Variants in EFNA5 observed in about 807,000 individuals in gnomAD.
The protein encoded by EFNA5 is ephrin A5.
In EFNA5, 5 loss-of-function variants were observed where a neutral mutation model predicts 22.9. That is an observed-to-expected ratio of 0.22 (90% CI 0.11 to 0.46). The LOEUF (loss-of-function observed/expected upper bound fraction) is 0.46. Ranked by LOEUF, EFNA5 falls within the 20% of genes least tolerant of loss-of-function variation. EFNA5 has a pLI of 0.99. For missense variants in EFNA5, 237 were observed against 293.3 expected, an observed-to-expected ratio of 0.81 and a Z score of 1.40; for synonymous variants, 113 against 112.2, an observed-to-expected ratio of 1.01 and a Z score of -0.04.
chr5:107,490,380 G>A (rs745957171), intron 1 of EFNA5, among the ~76,000 whole-genome samples: 37 of 152,094 alleles, frequency 2.4e-4, no homozygotes, highest in Non-Finnish European at 2.9e-4. Context: ...ACAGGTGCAC[G>A]TTACCATGCC....
At chr5:107,576,614 C>T (rs1748932922) in intron 1 of EFNA5, among the ~76,000 whole-genome samples, 1 of 152,206 alleles carries the variant, frequency 6.6e-6, no homozygotes, top group African/African-American at 2.4e-5. Context: ...AGGCTGTATA[C>T]ATGACTTTAT....
chr5:107,431,197 A>T (rs1484418588), intron 1 of EFNA5, among the ~76,000 whole-genome samples: 1 of 152,208 alleles, frequency 6.6e-6, no homozygotes, highest in Admixed American at 6.5e-5. Flanking sequence ...GTACATTTCA[A>T]AGGGTGGACA....
chr5:107,552,964 G>A (rs1748330674), intron 1 of EFNA5, among the ~76,000 whole-genome samples: 1 of 152,164 alleles, frequency 6.6e-6, no homozygotes, highest in Admixed American at 6.5e-5. Flanking sequence ...AAGACAATAT[G>A]AGGGCACTTT....
At chr5:107,421,937 A>G (rs1450896143) in intron 2 of EFNA5, among the ~76,000 whole-genome samples, 2 of 152,010 alleles carry the variant, frequency 1.3e-5, no homozygotes, top group African/African-American at 4.8e-5. Flanking sequence ...GGTTACAGGC[A>G]TGAGCTACCA....
intron 1 of EFNA5, among the ~76,000 whole-genome samples, chr5:107,668,509 G>C (rs1490828): frequency 0.13 from 19,960 of 152,026 alleles, 1,577 homozygotes; most frequent in Non-Finnish European, 0.17. Flanking sequence ...TAGGGGTGTT[G>C]CTGGTTCTTT....
chr5:107,470,771 T>A lies in EFNA5; in HGVS notation c.126-43262A>T, dbSNP rs115319504. On this transcript the variant is annotated intron_variant, in intron 1 of 4. Coordinates refer to ENST00000333274, the MANE Select transcript of EFNA5 (RefSeq NM_001962.3). ...TTTGTGGTGGACATGTCCACAAGAATGATGAAATGAAATCAGGACAAGGCG... is the reference window on the plus strand; with the variant it reads ...TTTGTGGTGGACATGTCCACAAGAAAGATGAAATGAAATCAGGACAAGGCG... 3.8e-3 allele frequency among the ~76,000 whole-genome samples: 584 copies of A among 152,250 alleles called. 3 individuals are homozygous for A. The highest frequency in any genetic ancestry group is 0.013 in the African/African-American group (524 of 41,560).
intron 1 of EFNA5, among the ~76,000 whole-genome samples, chr5:107,655,487 G>A (rs1328814574): frequency 1.3e-5 from 2 of 152,090 alleles, no homozygotes; most frequent in South Asian, 2.1e-4. Flanking sequence ...GCTTATGTTA[G>A]ACCCAGTATT....
intron 1 of EFNA5, among the ~76,000 whole-genome samples, chr5:107,471,389 T>C (rs1469709410): frequency 4.6e-5 from 7 of 152,188 alleles, no homozygotes; most frequent in African/African-American, 1.7e-4. Context: ...CCAAGATCTC[T>C]TCCCTTTCTG....
At chr5:107,573,192 T>G (rs969616405) in intron 1 of EFNA5, among the ~76,000 whole-genome samples, 1 of 152,102 alleles carries the variant, frequency 6.6e-6, no homozygotes, top group Non-Finnish European at 1.5e-5. Context: ...ATCTCATGTC[T>G]GTTCCCAGCT....
Position 107,379,900 on chromosome 5 carries a change from T to C in EFNA5, c.*1355A>G, listed in dbSNP as rs1375200047. 2 of 152,222 alleles carry C rather than the reference T, an allele frequency of 1.3e-5. No homozygotes were observed. The highest frequency in any genetic ancestry group is 2.9e-5 in the Non-Finnish European group (2 of 68,046). 9.4% of individuals were successfully genotyped at this position (152,222 alleles called of 1,614,324 possible). A position where few individuals can be genotyped will look rare whatever the true frequency, so the allele number is the denominator to read the frequency against. On this transcript the variant is annotated 3_prime_UTR_variant, in exon 5 of 5. Coordinates refer to ENST00000333274, the MANE Select transcript of EFNA5 (RefSeq NM_001962.3). Reference sequence around the variant, plus strand: ...CTAAATAATGTATTTTCTATTCTAGTGGATTTTTAAAAAAATATTTTGTTA... The same window carrying C: ...CTAAATAATGTATTTTCTATTCTAGCGGATTTTTAAAAAAATATTTTGTTA...
chr5:107,633,819 G>C (rs1260586342), intron 1 of EFNA5, among the ~76,000 whole-genome samples: 1 of 152,036 alleles, frequency 6.6e-6, no homozygotes, highest in East Asian at 1.9e-4. Flanking sequence ...ATTCACACTT[G>C]AAAAAACTAG....
chr5:107,561,390 A>G (rs1748539631), intron 1 of EFNA5, among the ~76,000 whole-genome samples: 1 of 152,136 alleles, frequency 6.6e-6, no homozygotes, highest in Admixed American at 6.5e-5. Context: ...TTTTCTTGAG[A>G]TGGAGTCTTG....
intron 1 of EFNA5, among the ~76,000 whole-genome samples, chr5:107,663,264 GC>G (rs1200186728): frequency 2.0e-5 from 3 of 152,002 alleles, no homozygotes; most frequent in Non-Finnish European, 1.5e-5. Context: ...CAAAAAACAA[GC>G]TTTTCTAAAT....
chr5:107,391,750 T>G (rs1747800455), intron 2 of EFNA5, among the ~76,000 whole-genome samples: 1 of 152,124 alleles, frequency 6.6e-6, no homozygotes, highest in African/African-American at 2.4e-5. Context: ...AATAGCAACT[T>G]TATAAATCAA....
intron 1 of EFNA5, among the ~76,000 whole-genome samples, chr5:107,618,187 CCT>C (rs916438421): frequency 1.3e-5 from 2 of 152,158 alleles, no homozygotes; most frequent in Non-Finnish European, 2.9e-5. Context: ...CAGAAATTCT[CCT>C]CTGTTTCTTT....
At chr5:107,502,114 A>G (rs1747150065) in intron 1 of EFNA5, among the ~76,000 whole-genome samples, 1 of 152,162 alleles carries the variant, frequency 6.6e-6, no homozygotes, top group Non-Finnish European at 1.5e-5. Flanking sequence ...TCTTCACCCA[A>G]CGTAGGGCAG....
At chr5:107,434,852 G>A (rs1304959489) in intron 1 of EFNA5, among the ~76,000 whole-genome samples, 1 of 152,190 alleles carries the variant, frequency 6.6e-6, no homozygotes, top group African/African-American at 2.4e-5. Flanking sequence ...TGTCAAAGAG[G>A]TGATTGTTTT....
chr5:107,623,950 T>A (rs192464485), intron 1 of EFNA5, among the ~76,000 whole-genome samples: 3 of 151,890 alleles, frequency 2.0e-5, no homozygotes, highest in Admixed American at 1.3e-4. Context: ...TAAAGAAAGG[T>A]AGAATTTTTT....
chr5:107,521,904 C>A (rs1747607559), intron 1 of EFNA5, among the ~76,000 whole-genome samples: 1 of 152,114 alleles, frequency 6.6e-6, no homozygotes, highest in Admixed American at 6.6e-5. Context: ...GTGATCATTG[C>A]ACACTACAGC....
Sources: allele counts gnomAD v4.1 joint callset (sites outside exome capture counted in the v4.1 genomes callset), GRCh38; gene constraint gnomAD v4.1.1; transcripts MANE v1.5; gene names NCBI Gene and HGNC (gene_info 2026-07-23, HGNC 2026-07-21).